The following PRUNE2 variants were observed in gnomAD, a reference collection of about 807,000 sequenced individuals.
The protein encoded by PRUNE2 is protein prune homolog 2.
A neutral mutation model predicts 252.0 loss-of-function variants in PRUNE2; 164 were observed. The observed-to-expected ratio is 0.65, with a 90% CI of 0.57 to 0.74. The LOEUF (loss-of-function observed/expected upper bound fraction) is 0.74, where lower values mean the gene tolerates loss of function less well. PRUNE2 is among the 30% of genes least tolerant of loss of function. The pLI is 0.00. For synonymous variants in PRUNE2, 1,292 were observed against 1,350.2 expected, an observed-to-expected ratio of 0.96 and a Z score of 0.94; for missense variants, 3,495 against 3,711.0, an observed-to-expected ratio of 0.94 and a Z score of 1.51.
chr9:76,722,206 G>C (rs1436593317), intron 6 of PRUNE2, among the ~76,000 whole-genome samples: 1 of 150,508 alleles, frequency 6.6e-6, no homozygotes, highest in Non-Finnish European at 1.5e-5. Flanking sequence ...TTACAGGCGT[G>C]TGCCACCACA....
rs2059684884 is a variant in PRUNE2, at chr9:76,846,646, T to C, written c.377A>G (p.Lys126Arg). ...GCTCTGCTCAACCGGATTAATGACT[T>C]TGACAACTGCTGATTCTAAAGTTTT... ...EDKTLESAVV[K>R]VINPVEQSDA... The change falls in exon 4 of 19, where the codon AAA (lysine) becomes AGA (arginine). Residue 126 changes from lysine (K) to arginine (R), a missense_variant. Physicochemically the swap from Lys to Arg is conservative, Grantham distance 26. Transcript: ENST00000376718. 6.2e-7 allele frequency: 1 copy of C among 1,614,102 alleles called. No homozygotes were observed. The highest frequency in any genetic ancestry group is 8.5e-7 in the Non-Finnish European group (1 of 1,179,940).
chr9:76,860,614 T>G (rs2060495286), intron 1 of PRUNE2, among the ~76,000 whole-genome samples: 1 of 152,228 alleles, frequency 6.6e-6, no homozygotes, highest in Admixed American at 6.5e-5. Context: ...AAATCTTTTT[T>G]CTGAAAATTT....
chr9:76,774,450 C>CTTTTTTTATTTATTTTTTTATT (rs1564272256), intron 6 of PRUNE2, among the ~76,000 whole-genome samples: 4 of 41,400 alleles, frequency 9.7e-5, no homozygotes, highest in African/African-American at 1.9e-4. Flanking sequence ...CAGTTCAACC[C>CTTTTTTTATTTATTTTTTTATT]TTTTTTTTTT....
intron 1 of PRUNE2, among the ~76,000 whole-genome samples, chr9:76,889,378 T>C (rs1318183039): frequency 6.6e-6 from 1 of 151,618 alleles, no homozygotes; most frequent in East Asian, 1.9e-4. Flanking sequence ...TGGAGTGCAG[T>C]GGTATGATCT....
chr9:76,856,815 G>A lies in PRUNE2; in HGVS notation c.37-2607C>T, dbSNP rs1257287878. On this transcript the variant is annotated intron_variant, in intron 1 of 18. Coordinates refer to ENST00000376718, the MANE Select transcript of PRUNE2 (RefSeq NM_015225.3). The stretch of plus-strand genomic sequence containing the variant: ...GTCACCCAGGCTGGAGTGTAATGGC[G>A]TGATCTTGGCTCACTGCAACCTCCG... Among the ~76,000 whole-genome samples, 20 of 151,542 alleles carry A rather than the reference G, an allele frequency of 1.3e-4. 1 individual carries two copies. The highest frequency in any genetic ancestry group is 4.6e-4 in the Admixed American group (7 of 15,216).
chr9:76,896,721 C>G (rs567619638), intron 1 of PRUNE2, among the ~76,000 whole-genome samples: 1 of 152,110 alleles, frequency 6.6e-6, no homozygotes, highest in Non-Finnish European at 1.5e-5. Context: ...TTGACACAAC[C>G]GAGAGCTGTG....
In PRUNE2 at chr9:76,710,602, C is replaced by A. The variant is rs1379819417; in HGVS notation, c.1672G>T (p.Ala558Ser). Reference protein sequence around the residue: ...NYSSSSLLSGAGKDSLVEHDE... With the variant: ...NYSSSSLLSGSGKDSLVEHDE... Reference sequence around the variant, plus strand: ...TGTTCCACAAGGCTATCTTTGCCAGCCCCTGACAAAAGTGAACTGGATGAA... The same window carrying A: ...TGTTCCACAAGGCTATCTTTGCCAGACCCTGACAAAAGTGAACTGGATGAA... Residue 558 changes from alanine to serine, a missense_variant, in exon 8 of 19, where the codon GCT (alanine) becomes TCT (serine). Physicochemically the swap from Ala to Ser is moderately conservative, Grantham distance 99 (BLOSUM62 1). Transcript: ENST00000376718. The A allele has an allele frequency of 6.2e-7, 1 of 1,613,602 alleles. No homozygotes were observed. Among genetic ancestry groups the A allele is most frequent in the African/African-American group, 1.3e-5 (1 of 75,038 alleles).
At chr9:76,891,471 G>C (rs547819836) in intron 1 of PRUNE2, among the ~76,000 whole-genome samples, 2 of 152,316 alleles carry the variant, frequency 1.3e-5, no homozygotes, top group South Asian at 4.1e-4. Flanking sequence ...TCCAGAGCCT[G>C]TTGGGCTCAG....
At chr9:76,696,275 G>A (rs1321926625) in intron 9 of PRUNE2, among the ~76,000 whole-genome samples, 3 of 152,214 alleles carry the variant, frequency 2.0e-5, no homozygotes, top group East Asian at 1.9e-4. Context: ...TTAACTAATC[G>A]TGCACAGGAA....
intron 4 of PRUNE2, among the ~76,000 whole-genome samples, chr9:76,837,921 G>GTCCA (rs2059139104): frequency 6.6e-6 from 1 of 151,464 alleles, no homozygotes; most frequent in Non-Finnish European, 1.5e-5. Context: ...ACAGGCGCCT[G>GTCCA]CCACCACGCC....
rs149588584 is a variant in PRUNE2 at position 76,735,285 on chromosome 9, T to C, written c.757-21564A>G. ...CCACAACTTATGAAAACCTACTGAT[T>C]ATAATCAGAGAAATGAACATTTGCA... On this transcript the variant is annotated intron_variant, in intron 6 of 18. Coordinates refer to ENST00000376718, the MANE Select transcript of PRUNE2 (RefSeq NM_015225.3). Among the ~76,000 whole-genome samples the C allele has an allele frequency of 1.2e-4, 19 of 152,306 alleles. No homozygotes were observed. In the East Asian group the frequency reaches 3.7e-3, roughly 29 times the overall value.
chr9:76,751,177 T>C (rs1407483448), intron 6 of PRUNE2, among the ~76,000 whole-genome samples: 1 of 152,192 alleles, frequency 6.6e-6, no homozygotes, highest in African/African-American at 2.4e-5. Context: ...GCAGTCTGGA[T>C]GTAAACAGCT....
intron 9 of PRUNE2, among the ~76,000 whole-genome samples, chr9:76,697,442 C>T (rs966090026): frequency 6.6e-6 from 1 of 152,160 alleles, no homozygotes; most frequent in Admixed American, 6.6e-5. Flanking sequence ...TCCCACACAC[C>T]ACAGATGGGG....
chr9:76,802,047 T>A (rs1050693446), intron 6 of PRUNE2, among the ~76,000 whole-genome samples: 5 of 152,190 alleles, frequency 3.3e-5, no homozygotes, highest in Non-Finnish European at 5.9e-5. Context: ...TTTTTAATAC[T>A]AATTGAAGCT....
chr9:76,861,370 T>C (rs981307161), intron 1 of PRUNE2, among the ~76,000 whole-genome samples: 28 of 152,322 alleles, frequency 1.8e-4, no homozygotes, highest in Non-Finnish European at 3.2e-4. Flanking sequence ...GTTCTCCAGG[T>C]AATGATGTAA....
At position 76,629,080 on chromosome 9, in the gene PRUNE2, C is replaced by T. The variant is rs1023218779; in HGVS notation, c.9149+112G>A. ...GCTGATTGCAAACTCCTGGGCTCAACTGATTCTTCCACTCAGCCTCCCAAA... is the reference window on the plus strand; with the variant it reads ...GCTGATTGCAAACTCCTGGGCTCAATTGATTCTTCCACTCAGCCTCCCAAA... On this transcript the variant is annotated intron_variant, in intron 16 of 18. Transcript: ENST00000376718. The T allele has an allele frequency of 4.7e-5, 29 of 615,616 alleles. No homozygotes were observed. In the African/African-American group the frequency reaches 5.1e-4, roughly 11 times the overall value. 38.1% of individuals were successfully genotyped at this position (615,616 alleles called of 1,614,324 possible).
chr9:76,683,947 T>TTATA (rs971204026), intron 9 of PRUNE2, among the ~76,000 whole-genome samples: 30 of 150,578 alleles, frequency 2.0e-4, no homozygotes, highest in African/African-American at 6.6e-4. Flanking sequence ...TATGTACATA[T>TTATA]TATATATATA....
chr9:76,706,143 G>A lies in PRUNE2; in HGVS notation c.6131C>T (p.Ser2044Phe). 1.9e-6 allele frequency: 3 copies of A among 1,613,976 alleles called. No individual in the cohort carries two copies. The highest frequency in any genetic ancestry group is 2.5e-6 in the Non-Finnish European group (3 of 1,179,896). The change falls in exon 8 of 19, where the codon TCC becomes TTC. Residue 2044 changes from serine (S) to phenylalanine (F), a missense_variant. By Grantham distance (155) the Ser-to-Phe change is radical. Coordinates refer to ENST00000376718, the MANE Select transcript of PRUNE2 (RefSeq NM_015225.3). The stretch of plus-strand genomic sequence containing the variant: ...AATATCTGGCACAAAGGTACCTCGG[G>A]AGTCCTCACTTGGGGTAGAGCCATC... ...EWDGSTPSED[S>F]RGTFVPDILH...
intron 1 of PRUNE2, among the ~76,000 whole-genome samples, chr9:76,895,521 T>C (rs1294655635): frequency 6.6e-6 from 1 of 152,184 alleles, no homozygotes; most frequent in Non-Finnish European, 1.5e-5. Context: ...ACAACTTCTT[T>C]TCTATTTTTT....
Sources: allele counts gnomAD v4.1 joint callset (sites outside exome capture counted in the v4.1 genomes callset), GRCh38; gene constraint gnomAD v4.1.1; transcripts MANE v1.5; gene names NCBI Gene and HGNC (gene_info 2026-07-23, HGNC 2026-07-21).